Variants in GAB1 observed in about 807,000 individuals in gnomAD.
GAB1 encodes the protein GRB2-associated-binding protein 1.
GAB1 carries 19 observed loss-of-function variants against 66.5 expected under a neutral mutation model. The ratio of observed to expected loss-of-function variants is 0.29; its 90% confidence interval spans 0.20 to 0.42. The LOEUF (loss-of-function observed/expected upper bound fraction) is 0.42, where lower values mean the gene tolerates loss of function less well. Among genes scored for constraint, GAB1 ranks in the 10% least tolerant of loss-of-function variants. The pLI is 1.00. For missense variants in GAB1, 732 were observed against 858.5 expected, an observed-to-expected ratio of 0.85 and a Z score of 1.84; for synonymous variants, 294 against 301.4, an observed-to-expected ratio of 0.98 and a Z score of 0.25.
At chr4:143,414,025 G>C (rs1194241559) in intron 1 of GAB1, among the ~76,000 whole-genome samples, 1 of 151,768 alleles carries the variant, frequency 6.6e-6, no homozygotes, top group African/African-American at 2.4e-5. Flanking sequence ...GTTTCACCAT[G>C]TTGGCCAGGC....
At chr4:143,365,107 G>A (rs1007959371) in intron 1 of GAB1, among the ~76,000 whole-genome samples, 1 of 151,672 alleles carries the variant, frequency 6.6e-6, no homozygotes, top group Non-Finnish European at 1.5e-5. Context: ...TCGATCTCCT[G>A]ACCTTGTGAT....
chr4:143,434,556 A>G (rs1460290843), intron 3 of GAB1, among the ~76,000 whole-genome samples: 5 of 151,882 alleles, frequency 3.3e-5, no homozygotes, highest in East Asian at 1.9e-4. Context: ...AGGTCTCACT[A>G]TGTTGCCTAG....
chr4:143,366,826 T>A (rs901004941), intron 1 of GAB1, among the ~76,000 whole-genome samples: 2 of 152,126 alleles, frequency 1.3e-5, no homozygotes, highest in Admixed American at 6.5e-5. Flanking sequence ...TCAATTCAAT[T>A]TTTGAATTGA....
At chr4:143,381,807 T>C (rs1406896153) in intron 1 of GAB1, 1 of 152,244 alleles carries the variant, frequency 6.6e-6, no homozygotes, top group Non-Finnish European at 1.5e-5. Flanking sequence ...ATGGCTTTGC[T>C]TTTAGAAGCC....
At chr4:143,437,905 C>G in intron 3 of GAB1, 94 bp from the exon 4 acceptor site, 1 of 1,198,450 alleles carries the variant, frequency 8.3e-7, no homozygotes, top group Non-Finnish European at 1.2e-6. Context: ...TGAGAAAAGC[C>G]CTATCTTTTG....
chr4:143,420,708 G>A (rs1006960131), intron 2 of GAB1, among the ~76,000 whole-genome samples: 1 of 151,982 alleles, frequency 6.6e-6, no homozygotes, highest in Non-Finnish European at 1.5e-5. Flanking sequence ...ATTAGATGCA[G>A]GATTAGAAAG....
intron 1 of GAB1, among the ~76,000 whole-genome samples, chr4:143,360,409 T>A (rs1444435256): frequency 1.3e-5 from 2 of 151,904 alleles, no homozygotes; most frequent in South Asian, 2.1e-4. Flanking sequence ...TTAAAAAACC[T>A]GCATTCATGG....
chr4:143,344,267 T>TG (rs955019336), intron 1 of GAB1, among the ~76,000 whole-genome samples: 12 of 152,022 alleles, frequency 7.9e-5, no homozygotes, highest in Non-Finnish European at 1.3e-4. Context: ...CAGCTCGTGT[T>TG]GGGGGGGAGA....
At chr4:143,442,318 C>T (rs1391348646) in intron 6 of GAB1, among the ~76,000 whole-genome samples, 3 of 152,108 alleles carry the variant, frequency 2.0e-5, no homozygotes, top group East Asian at 1.9e-4. Flanking sequence ...TTTGAGGTCT[C>T]GCATAAATGT....
intron 6 of GAB1, among the ~76,000 whole-genome samples, chr4:143,449,636 T>C (rs1044049117): frequency 1.1e-4 from 16 of 152,336 alleles, no homozygotes; most frequent in Middle Eastern, 6.8e-3. Context: ...TGTTTTCCAT[T>C]TGCTTGGTAG....
intron 2 of GAB1, among the ~76,000 whole-genome samples, chr4:143,422,049 G>A (rs1004681331): frequency 6.6e-6 from 1 of 152,044 alleles, no homozygotes; most frequent in Non-Finnish European, 1.5e-5. Flanking sequence ...TGCAACTACT[G>A]CTATGTCTTA....
intron 1 of GAB1, among the ~76,000 whole-genome samples, chr4:143,385,111 A>G (rs941438487): frequency 6.6e-6 from 1 of 152,220 alleles, no homozygotes; most frequent in Admixed American, 6.5e-5. Context: ...ATAGCTACTT[A>G]GGAGCAGTAT....
chr4:143,337,471 C>T (rs572661306), intron 1 of GAB1, among the ~76,000 whole-genome samples: 29 of 152,314 alleles, frequency 1.9e-4, no homozygotes, highest in African/African-American at 6.7e-4. Context: ...CAACTTTCTT[C>T]CTCCAGGTTC....
intron 1 of GAB1, among the ~76,000 whole-genome samples, chr4:143,405,922 T>C (rs1263154460): frequency 6.6e-6 from 1 of 152,046 alleles, no homozygotes. Flanking sequence ...GATCTCTCAG[T>C]ATTTTGGGAA....
intron 1 of GAB1, chr4:143,380,730 C>G (rs936562321): frequency 6.6e-6 from 1 of 152,184 alleles, no homozygotes; most frequent in Non-Finnish European, 1.5e-5. Context: ...CAACAGAATT[C>G]TTTTCAACAG....
chr4:143,375,852 G>T (rs1470305493), intron 1 of GAB1, among the ~76,000 whole-genome samples: 1 of 152,140 alleles, frequency 6.6e-6, no homozygotes, highest in Non-Finnish European at 1.5e-5. Flanking sequence ...CTGCCCACTA[G>T]ATGCCAGTAG....
chr4:143,442,453 G>A (rs1365884422), intron 6 of GAB1, among the ~76,000 whole-genome samples: 1 of 152,144 alleles, frequency 6.6e-6, no homozygotes, highest in Non-Finnish European at 1.5e-5. Context: ...TATTTCAACA[G>A]TTGTGATTCC....
chr4:143,455,359 G>A (rs1389314183), intron 6 of GAB1, among the ~76,000 whole-genome samples: 1 of 152,170 alleles, frequency 6.6e-6, no homozygotes, highest in Non-Finnish European at 1.5e-5. Flanking sequence ...GGTGGAACTA[G>A]AGAAAAAGTG....
intron 1 of GAB1, among the ~76,000 whole-genome samples, chr4:143,364,206 A>AG (rs1297266340): frequency 3.0e-4 from 46 of 151,796 alleles, no homozygotes; most frequent in Non-Finnish European, 5.3e-4. Flanking sequence ...AAAAAAAAAA[A>AG]GAATGACTTA....
Sources: allele counts gnomAD v4.1 joint callset (sites outside exome capture counted in the v4.1 genomes callset), GRCh38; gene constraint gnomAD v4.1.1; transcripts MANE v1.5; gene names NCBI Gene and HGNC (gene_info 2026-07-23, HGNC 2026-07-21).